TEC: variants seen among roughly 807,000 people sequenced by gnomAD.
The protein encoded by TEC is tec protein tyrosine kinase, also known as tyrosine-protein kinase Tec.
A neutral mutation model predicts 93.0 loss-of-function variants in TEC; 72 were observed. The ratio of observed to expected loss-of-function variants is 0.77; its 90% CI spans 0.64 to 0.94. The LOEUF (loss-of-function observed/expected upper bound fraction) is 0.94, where lower values mean the gene tolerates loss of function less well. TEC is among the 40% of genes least tolerant of loss of function. The probability of loss-of-function intolerance (pLI) is 0.00; values close to 1 mark genes in which losing one functional copy is unlikely to be tolerated. For missense variants in TEC, 630 were observed against 757.9 expected (o/e 0.83, Z 1.98); for synonymous variants, 249 against 247.7 (o/e 1.01, Z -0.05).
chr4:48,262,522 A>T (rs1424798043), intron 1 of TEC, among the ~76,000 whole-genome samples: 2 of 152,034 alleles, frequency 1.3e-5, no homozygotes, highest in Non-Finnish European at 2.9e-5. Context: ...CTTAACTATA[A>T]AGTGTCCAAA....
intron 2 of TEC, among the ~76,000 whole-genome samples, chr4:48,220,831 G>A (rs1450429707): frequency 6.6e-6 from 1 of 152,144 alleles, no homozygotes; most frequent in East Asian, 1.9e-4. Context: ...CACCAATTGA[G>A]TGTCCTACAA....
intron 2 of TEC, among the ~76,000 whole-genome samples, chr4:48,190,252 C>T (rs1282725841): frequency 1.3e-5 from 2 of 152,134 alleles, no homozygotes; most frequent in Non-Finnish European, 2.9e-5. Flanking sequence ...CTACTAACTG[C>T]CACACCTAAA....
chr4:48,177,381 G>T (rs1721373269), intron 2 of TEC, among the ~76,000 whole-genome samples: 1 of 152,156 alleles, frequency 6.6e-6, no homozygotes, highest in African/African-American at 2.4e-5. Context: ...GAGAAATGAA[G>T]AACATCGTAT....
At chr4:48,192,594 G>A (rs912018015) in intron 2 of TEC, among the ~76,000 whole-genome samples, 2 of 151,944 alleles carry the variant, frequency 1.3e-5, no homozygotes, top group African/African-American at 4.8e-5. Context: ...AAATTCTTTG[G>A]TAATAATTTA....
Position 48,160,777 on chromosome 4 carries a change from AGAAAG to A in TEC, c.737+2920_737+2924del, listed in dbSNP as rs1306552751. Among the ~76,000 whole-genome samples, 4 of 148,634 alleles carry A rather than the reference AGAAAG, an allele frequency of 2.7e-5. No homozygotes were observed. In the East Asian group the frequency reaches 6.1e-4, roughly 23 times the overall value. ...AGAAAGAAAGAAAAGAAAAAAAGAA[AGAAAG>A]AAAAGAAAAGAAGAAAGAAAGAGAA... On this transcript the variant is annotated intron_variant, in intron 8 of 17. Coordinates refer to ENST00000381501, the MANE Select transcript of TEC (RefSeq NM_003215.3).
chr4:48,186,751 G>A (rs1211230621), intron 2 of TEC, among the ~76,000 whole-genome samples: 9 of 150,956 alleles, frequency 6.0e-5, no homozygotes, highest in African/African-American at 2.0e-4. Flanking sequence ...CAGCCGCCCC[G>A]TCCGGGAGGG....
chr4:48,139,144 G>A (rs1350071971), intron 15 of TEC, 122 bp from the exon 16 acceptor site: 1 of 820,336 alleles, frequency 1.2e-6, no homozygotes, highest in African/African-American at 1.7e-5. Flanking sequence ...CAAGCATCCG[G>A]TTGAAGCTAA....
chr4:48,238,154 C>T lies in TEC; in HGVS notation c.-45-9495G>A, dbSNP rs367963822. Among the ~76,000 whole-genome samples the T allele has an allele frequency of 2.6e-5, 4 of 152,148 alleles. No individual in the cohort carries two copies. In the South Asian group the frequency reaches 8.3e-4, roughly 32 times the overall value. ...CAATCAAAATAGAGTACATTCTAGG[C>T]TCCCCATTTAACGTCATGAATTGGA... On this transcript the variant is annotated intron_variant, in intron 1 of 17. Coordinates refer to ENST00000381501, the MANE Select transcript of TEC (RefSeq NM_003215.3).
At chr4:48,148,941 T>C (rs1720040506) in intron 11 of TEC, among the ~76,000 whole-genome samples, 1 of 152,146 alleles carries the variant, frequency 6.6e-6, no homozygotes. Flanking sequence ...TTTCTGTTCC[T>C]GTGTTAGTTA....
At position 48,138,767 on chromosome 4, in the gene TEC, G is replaced by C; in HGVS notation, c.1710C>G (p.Thr570=). The C allele has an allele frequency of 6.2e-7, 1 of 1,614,012 alleles. No homozygotes were observed. Among genetic ancestry groups the C allele is most frequent in the Non-Finnish European group, 8.5e-7 (1 of 1,179,982 alleles). The change falls in exon 17 of 18, where the codon ACC becomes ACG. Residue 570 remains threonine (T), a synonymous_variant. Transcript: ENST00000381501. ...TEGRMPFEKY[T]NYEVVTMVTR... Reference sequence around the variant, plus strand: ...TAACCATGGTTACCACTTCATAATTGGTGTATTTTTCAAAAGGCATTCTGC... The same window carrying C: ...TAACCATGGTTACCACTTCATAATTCGTGTATTTTTCAAAAGGCATTCTGC...
intron 1 of TEC, among the ~76,000 whole-genome samples, chr4:48,239,753 C>T (rs1471716329): frequency 6.6e-6 from 1 of 151,466 alleles, no homozygotes; most frequent in Admixed American, 6.6e-5. Context: ...GAGAAACTTT[C>T]CTTAACAAAA....
chr4:48,149,026 T>C (rs1185018322), intron 11 of TEC, among the ~76,000 whole-genome samples: 1 of 152,204 alleles, frequency 6.6e-6, no homozygotes, highest in Admixed American at 6.5e-5. Flanking sequence ...TACGGCTTCA[T>C]AGATTCCATG....
At chr4:48,256,530 G>A (rs1393997313) in intron 1 of TEC, among the ~76,000 whole-genome samples, 1 of 147,780 alleles carries the variant, frequency 6.8e-6, no homozygotes, top group Non-Finnish European at 1.5e-5. Flanking sequence ...AAGGTCGAGA[G>A]GCTGCAGTGA....
intron 1 of TEC, among the ~76,000 whole-genome samples, chr4:48,250,639 G>C (rs183293747): frequency 6.2e-4 from 94 of 152,304 alleles, no homozygotes; most frequent in Admixed American, 2.0e-3. Flanking sequence ...GCCTACTAGA[G>C]GGATGTAATG....
intron 4 of TEC, among the ~76,000 whole-genome samples, chr4:48,171,042 C>G (rs1721085921): frequency 6.6e-6 from 1 of 151,282 alleles, no homozygotes; most frequent in Non-Finnish European, 1.5e-5. Flanking sequence ...CAGAGTGAAA[C>G]TCTGTCTCAA....
chr4:48,152,309 G>A (rs574265621), intron 9 of TEC, among the ~76,000 whole-genome samples: 7 of 151,994 alleles, frequency 4.6e-5, no homozygotes, highest in East Asian at 1.9e-4. Context: ...GTGGTGGTGC[G>A]CGCCTGTAAT....
chr4:48,171,252 A>C, intron 4 of TEC, 116 bp downstream of exon 4: 1 of 768,786 alleles, frequency 1.3e-6, no homozygotes, highest in Non-Finnish European at 2.0e-6. Context: ...AGAAACACTT[A>C]CTGTAGATTA....
intron 2 of TEC, among the ~76,000 whole-genome samples, chr4:48,176,449 C>T (rs758186307): frequency 3.9e-5 from 6 of 152,028 alleles, no homozygotes; most frequent in East Asian, 1.9e-4. Context: ...GGTCAGGTGC[C>T]GTGGCTCATC....
chr4:48,221,666 AC>A (rs1383336877), intron 2 of TEC, among the ~76,000 whole-genome samples: 2 of 152,102 alleles, frequency 1.3e-5, no homozygotes, highest in Admixed American at 1.3e-4. Context: ...TGGAGGCTTC[AC>A]TACGTAGGCA....
Sources: gnomAD v4.1 joint callset for allele counts (sites outside exome capture counted in the v4.1 genomes callset) on GRCh38, gnomAD v4.1.1 for gene constraint, MANE v1.5 for transcripts, NCBI Gene and HGNC (gene_info 2026-07-23, HGNC 2026-07-21) for gene names.